Variants in PIGK observed in about 807,000 individuals in gnomAD.
PIGK encodes GPI-anchor transamidase.
PIGK carries 42 observed loss-of-function variants against 50.6 expected under a neutral mutation model. The observed-to-expected ratio is 0.83, with a 90% CI of 0.65 to 1.07. The LOEUF is 1.07. PIGK is among the 50% of genes least tolerant of loss of function. The probability of loss-of-function intolerance (pLI) is 0.00; values close to 1 mark genes in which losing one functional copy is unlikely to be tolerated. For synonymous variants in PIGK, 151 were observed against 156.0 expected (o/e 0.97, Z 0.24); for missense variants, 448 against 488.7 (o/e 0.92, Z 0.78).
At chr1:77,138,105 T>G (rs1457462518) in intron 9 of PIGK, among the ~76,000 whole-genome samples, 1 of 152,134 alleles carries the variant, frequency 6.6e-6, no homozygotes, top group Non-Finnish European at 1.5e-5. Flanking sequence ...GGCAGGACTG[T>G]GAATAAGATA....
At chr1:77,160,024 T>C (rs1011979539) in intron 8 of PIGK, among the ~76,000 whole-genome samples, 2 of 152,296 alleles carry the variant, frequency 1.3e-5, no homozygotes, top group African/African-American at 2.4e-5. Flanking sequence ...TCATCTTGAA[T>C]TGTAGCTCCC....
chr1:77,113,973 T>C (rs141367028), intron 10 of PIGK, among the ~76,000 whole-genome samples: 1 of 152,240 alleles, frequency 6.6e-6, no homozygotes, highest in Non-Finnish European at 1.5e-5. Flanking sequence ...CAAACAGCAT[T>C]GAGAAGGTGA....
chr1:77,124,217 ATAAAC>A (rs1391535906), intron 9 of PIGK, among the ~76,000 whole-genome samples: 1 of 152,230 alleles, frequency 6.6e-6, no homozygotes, highest in Non-Finnish European at 1.5e-5. Context: ...CAATTAAAAA[ATAAAC>A]TAAAGTAAAT....
intron 9 of PIGK, among the ~76,000 whole-genome samples, chr1:77,130,134 T>C (rs1239909530): frequency 6.6e-6 from 1 of 151,284 alleles, no homozygotes; most frequent in Non-Finnish European, 1.5e-5. Flanking sequence ...TTGAAATAGA[T>C]GTTACAAATA....
chr1:77,131,381 C>T (rs1654367963), intron 9 of PIGK, among the ~76,000 whole-genome samples: 1 of 151,864 alleles, frequency 6.6e-6, no homozygotes, highest in Admixed American at 6.6e-5. Flanking sequence ...GTTCCTGATC[C>T]TCACACCTCC....
intron 9 of PIGK, among the ~76,000 whole-genome samples, chr1:77,150,908 T>C (rs566122174): frequency 6.6e-6 from 1 of 152,242 alleles, no homozygotes; most frequent in South Asian, 2.1e-4. Flanking sequence ...TACTGAATTC[T>C]GCCAAACATT....
intron 10 of PIGK, among the ~76,000 whole-genome samples, chr1:77,106,038 A>G (rs1653663149): frequency 6.6e-6 from 1 of 152,244 alleles, no homozygotes; most frequent in Admixed American, 6.5e-5. Flanking sequence ...AGTACATTAA[A>G]ACTATATTTT....
chr1:77,151,083 T>C (rs1339707276), intron 9 of PIGK, among the ~76,000 whole-genome samples: 2 of 152,006 alleles, frequency 1.3e-5, no homozygotes, highest in Middle Eastern at 3.2e-3. Flanking sequence ...TGAACATAAA[T>C]GCAGAAATCC....
At chr1:77,109,886 T>C (rs1189730705) in intron 10 of PIGK, among the ~76,000 whole-genome samples, 2 of 152,204 alleles carry the variant, frequency 1.3e-5, no homozygotes, top group Non-Finnish European at 2.9e-5. Flanking sequence ...CAAAATCTCC[T>C]TAGCTGATAA....
chr1:77,194,930 G>A, intron 3 of PIGK: 1 of 538,082 alleles, frequency 1.9e-6, no homozygotes, highest in Admixed American at 2.2e-5. Context: ...AGAAGTCATG[G>A]AACTGAAAAA....
intron 9 of PIGK, among the ~76,000 whole-genome samples, chr1:77,145,084 C>T (rs1654737338): frequency 6.6e-6 from 1 of 151,874 alleles, no homozygotes; most frequent in Non-Finnish European, 1.5e-5. Context: ...TATCAATTTA[C>T]TATCAGCAAT....
In PIGK at chr1:77,090,471, G is replaced by A. The variant is rs1653271659; in HGVS notation, c.*1903C>T. The stretch of plus-strand genomic sequence containing the variant: ...ATTCTGCTGAGGCAAAATTTATCCT[G>A]AATATTTTATCCAGTATTACTTTTC... On this transcript the variant is annotated 3_prime_UTR_variant, in exon 11 of 11. Coordinates refer to ENST00000370812, the MANE Select transcript of PIGK (RefSeq NM_005482.3). 6.6e-6 allele frequency: 1 copy of A among 152,194 alleles called. No individual in the cohort carries two copies. Among genetic ancestry groups the A allele is most frequent in the Non-Finnish European group, 1.5e-5 (1 of 68,026 alleles). 9.4% of individuals were successfully genotyped at this position (152,194 alleles called of 1,614,324 possible). A position where few individuals can be genotyped will look rare whatever the true frequency, so the allele number is the denominator to read the frequency against.
chr1:77,210,430 A>T lies in PIGK; in HGVS notation c.147+6T>A, dbSNP rs1419271993. ...ACAGCAAGGTATACTTTTACAGTAT[A>T]CTTACCAGAACAGCCCAGTTGTTTG... is the stretch of plus-strand genomic sequence containing the variant. On this transcript the variant is annotated splice_donor_region_variant and intron_variant, in intron 2 of 10. Transcript: ENST00000370812. 1.9e-6 allele frequency: 3 copies of T among 1,574,662 alleles called. No homozygotes were observed. Among genetic ancestry groups the T allele is most frequent in the Non-Finnish European group, 2.6e-6 (3 of 1,151,952 alleles).
chr1:77,214,075 G>T (rs1053358088), intron 1 of PIGK, among the ~76,000 whole-genome samples: 1 of 152,114 alleles, frequency 6.6e-6, no homozygotes, highest in African/African-American at 2.4e-5. Flanking sequence ...AGAACGGGAT[G>T]GCTTCACTGC....
chr1:77,195,697 C>T (rs558151891), intron 3 of PIGK, among the ~76,000 whole-genome samples: 79 of 152,152 alleles, frequency 5.2e-4, no homozygotes, highest in Middle Eastern at 3.4e-3. Flanking sequence ...ATTCCTGTGA[C>T]GTCTGTACAC....
chr1:77,104,213 GC>G (rs933380037), intron 10 of PIGK, among the ~76,000 whole-genome samples: 10 of 151,858 alleles, frequency 6.6e-5, no homozygotes, highest in Non-Finnish European at 1.3e-4. Context: ...ATCCAGGCAT[GC>G]AAAAAAGAGA....
At chr1:77,182,218 T>G (rs933333984) in intron 3 of PIGK, among the ~76,000 whole-genome samples, 1 of 152,164 alleles carries the variant, frequency 6.6e-6, no homozygotes, top group East Asian at 1.9e-4. Flanking sequence ...CAGCTAACAT[T>G]TATTGAGCAC....
chr1:77,125,283 TAA>T (rs1288478337), intron 9 of PIGK, among the ~76,000 whole-genome samples: 6 of 152,222 alleles, frequency 3.9e-5, no homozygotes, highest in South Asian at 2.1e-4. Context: ...CGGAAACATT[TAA>T]AAGTGAGCTG....
chr1:77,149,176 G>A (rs1002528794), intron 9 of PIGK, among the ~76,000 whole-genome samples: 1 of 152,074 alleles, frequency 6.6e-6, no homozygotes, highest in Non-Finnish European at 1.5e-5. Context: ...TAGAAAAAAA[G>A]GAAGAGAGGA....
Sources: gnomAD v4.1 joint callset for allele counts (sites outside exome capture counted in the v4.1 genomes callset) on GRCh38, gnomAD v4.1.1 for gene constraint, MANE v1.5 for transcripts, NCBI Gene and HGNC (gene_info 2026-07-23, HGNC 2026-07-21) for gene names.